The following CCDC47 variants were observed in gnomAD, a reference collection of about 807,000 sequenced individuals.
CCDC47 encodes the protein coiled-coil domain containing 47, also known as PAT complex subunit CCDC47.
In CCDC47, 41 loss-of-function variants were observed where a neutral mutation model predicts 60.5. The ratio of observed to expected loss-of-function variants is 0.68; its 90% confidence interval spans 0.53 to 0.88. CCDC47 has a LOEUF of 0.88. CCDC47 is among the 40% of genes least tolerant of loss of function. CCDC47 has a pLI of 0.00. For missense variants in CCDC47, 513 were observed against 580.9 expected, an observed-to-expected ratio of 0.88 and a Z score of 1.20; for synonymous variants, 195 against 190.7, an observed-to-expected ratio of 1.02 and a Z score of -0.18.
chr17:63,767,610 A>G (rs1421808824), intron 1 of CCDC47, among the ~76,000 whole-genome samples: 2 of 152,122 alleles, frequency 1.3e-5, no homozygotes, highest in African/African-American at 4.8e-5. Flanking sequence ...CCTTGAAGAC[A>G]TATCTGTTTT....
chr17:63,752,564 A>C (rs1350511779), intron 10 of CCDC47, 135 bp from the exon 11 acceptor site: 1 of 753,034 alleles, frequency 1.3e-6, no homozygotes, highest in Middle Eastern at 3.8e-4. Flanking sequence ...GCAGCAGAAA[A>C]TATAAATTAA....
Position 63,746,970 on chromosome 17 carries a change from A to G in CCDC47, c.1372-9T>C. On this transcript the variant is annotated splice_polypyrimidine_tract_variant and intron_variant, in intron 12 of 12. Coordinates refer to ENST00000225726, the MANE Select transcript of CCDC47 (RefSeq NM_020198.3). ...CGCCTCAATGCAGCCTCCTAGAGAA[A>G]GAAGGGGTAATAAATAGAGAAAGGG... 1 of 1,613,040 alleles carries G rather than the reference A, an allele frequency of 6.2e-7. No homozygotes were observed. Among genetic ancestry groups the G allele is most frequent in the Non-Finnish European group, 8.5e-7 (1 of 1,179,350 alleles).
intron 2 of CCDC47, among the ~76,000 whole-genome samples, chr17:63,765,442 G>A (rs1568251469): frequency 2.0e-5 from 3 of 152,008 alleles, no homozygotes; most frequent in Admixed American, 6.6e-5. Flanking sequence ...CCAGGTTCAA[G>A]CGATTCTCTT....
At chr17:63,762,234 A>C (rs2039266573) in intron 4 of CCDC47, 1 of 985,272 alleles carries the variant, frequency 1.0e-6, no homozygotes, top group African/African-American at 1.7e-5. Context: ...GGGAAAACGG[A>C]CTGATACACC....
intron 1 of CCDC47, among the ~76,000 whole-genome samples, chr17:63,767,886 A>G (rs2039308628): frequency 6.6e-6 from 1 of 152,098 alleles, no homozygotes. Context: ...AAAGAACAAG[A>G]TATCTAATGT....
intron 12 of CCDC47, among the ~76,000 whole-genome samples, chr17:63,751,447 A>G (rs924104726): frequency 6.7e-6 from 1 of 150,310 alleles, no homozygotes; most frequent in African/African-American, 2.4e-5. Flanking sequence ...AACACATCAG[A>G]TCATACCGAG....
chr17:63,766,096 T>A lies in CCDC47; in HGVS notation c.80A>T (p.Asp27Val), dbSNP rs1252405062. 6.2e-7 allele frequency: 1 copy of A among 1,613,946 alleles called. No homozygotes were observed. The change falls in exon 2 of 13, where the codon GAT (aspartate) becomes GTT (valine). Residue 27 changes from aspartate to valine, a missense_variant. Transcript: ENST00000225726. ...VSEAKFDDFE[D>V]EEDIVEYDDN... ...ATCATACTCTACTATGTCCTCCTCA[T>A]CCTCAAAATCATCAAACTTGGCTTC... is the stretch of plus-strand genomic sequence containing the variant.
At chr17:63,768,144 G>A (rs1231145991) in intron 1 of CCDC47, among the ~76,000 whole-genome samples, 1 of 152,170 alleles carries the variant, frequency 6.6e-6, no homozygotes, top group Non-Finnish European at 1.5e-5. Context: ...TTATTGCAAA[G>A]TAATATAAAA....
chr17:63,760,577 G>A (rs1034012390), intron 6 of CCDC47, among the ~76,000 whole-genome samples: 1 of 152,204 alleles, frequency 6.6e-6, no homozygotes, highest in East Asian at 1.9e-4. Flanking sequence ...GATGGCTCAC[G>A]TCTATAATCC....
At chr17:63,770,545 A>G (rs1329108112) in intron 1 of CCDC47, among the ~76,000 whole-genome samples, 1 of 152,214 alleles carries the variant, frequency 6.6e-6, no homozygotes. Context: ...AGTATGGCAA[A>G]GGGAAATATG....
At chr17:63,762,663 G>C (rs1277780305) in intron 4 of CCDC47, among the ~76,000 whole-genome samples, 2 of 152,150 alleles carry the variant, frequency 1.3e-5, no homozygotes, top group African/African-American at 4.8e-5. Context: ...AACTACAGAG[G>C]TTCCTTGAAG....
Position 63,751,365 on chromosome 17 carries a change from C to CAAAAAAA in CCDC47, c.1371+568_1371+574dup, listed in dbSNP as rs59161342. ...TGGGTGACAGAGTGAGACTCCATCT[C>CAAAAAAA]AAAAAAAAAAAAAAAAAAAAAAAAA... On this transcript the variant is annotated intron_variant, in intron 12 of 12. Transcript: ENST00000225726. Among the ~76,000 whole-genome samples the CAAAAAAA allele has an allele frequency of 5.0e-3, 147 of 29,506 alleles. 42 individuals carry two copies. The East Asian group carries it at 0.077, about 15-fold the overall frequency. 19.4% of individuals were successfully genotyped at this position (29,506 alleles called of 152,430 possible).
chr17:63,763,859 T>TA (rs1267857266), intron 4 of CCDC47, among the ~76,000 whole-genome samples, 157 bp downstream of exon 4: 2,254 of 142,324 alleles, frequency 0.016, 19 homozygotes, highest in Non-Finnish European at 0.022. Flanking sequence ...TAAATTAAAT[T>TA]AAAAAAAAAA....
intron 6 of CCDC47, among the ~76,000 whole-genome samples, chr17:63,760,382 AC>A (rs1174065975): frequency 2.6e-5 from 4 of 152,136 alleles, no homozygotes; most frequent in Non-Finnish European, 5.9e-5. Flanking sequence ...ACAGAGTATC[AC>A]CTCTTTCCTA....
intron 12 of CCDC47, among the ~76,000 whole-genome samples, chr17:63,748,705 G>A (rs2039138908): frequency 6.6e-6 from 1 of 152,134 alleles, no homozygotes; most frequent in Admixed American, 6.5e-5. Context: ...AGGCTGGTGG[G>A]CCACTTGAGA....
chr17:63,770,750 C>T (rs903467155), intron 1 of CCDC47, among the ~76,000 whole-genome samples: 4 of 151,862 alleles, frequency 2.6e-5, no homozygotes, highest in South Asian at 2.1e-4. Flanking sequence ...CTTTGGGAGG[C>T]CAATACGGGC....
In CCDC47 at chr17:63,771,465, C is replaced by G. The variant is rs184742511; in HGVS notation, c.-20+1947G>C. 8.7e-4 allele frequency among the ~76,000 whole-genome samples: 133 copies of G among 152,222 alleles called. 2 individuals carry two copies. The highest frequency in any genetic ancestry group is 3.1e-3 in the African/African-American group (129 of 41,528). ...ATTCTTTTTATACTAGTTGATCCTT[C>G]AGGTTAGTATCAAGGGACAATCTAT... On this transcript the variant is annotated intron_variant, in intron 1 of 12. Coordinates refer to ENST00000225726, the MANE Select transcript of CCDC47 (RefSeq NM_020198.3).
At chr17:63,764,657 C>A in intron 3 of CCDC47, 83 bp downstream of exon 3, 1 of 1,226,884 alleles carries the variant, frequency 8.2e-7, no homozygotes, top group Admixed American at 2.0e-5. Context: ...TTAACACCAG[C>A]TATACATCAT....
intron 3 of CCDC47, 75 bp from the exon 4 acceptor site, chr17:63,764,265 G>A (rs778368365): frequency 2.5e-5 from 28 of 1,115,424 alleles, no homozygotes; most frequent in Non-Finnish European, 3.5e-5. Flanking sequence ...CAGGAAGAAT[G>A]AGAAAATCCA....
Sources: allele counts gnomAD v4.1 joint callset (sites outside exome capture counted in the v4.1 genomes callset), GRCh38; gene constraint gnomAD v4.1.1; transcripts MANE v1.5; gene names NCBI Gene and HGNC (gene_info 2026-07-23, HGNC 2026-07-21).